NUP62CL: variants seen among roughly 807,000 people sequenced by gnomAD.
NUP62CL encodes nucleoporin-62 C-terminal-like protein.
In NUP62CL, 13 loss-of-function variants were observed where a neutral mutation model predicts 15.3. The observed-to-expected ratio is 0.85, with a 90% CI of 0.55 to 1.35. The LOEUF (loss-of-function observed/expected upper bound fraction) is 1.35, where lower values mean the gene tolerates loss of function less well. NUP62CL is among the 40% of genes most tolerant of loss of function. NUP62CL has a pLI of 0.00. For synonymous variants in NUP62CL, 54 were observed against 49.2 expected, an observed-to-expected ratio of 1.10 and a Z score of -0.41; for missense variants, 123 against 130.6, an observed-to-expected ratio of 0.94 and a Z score of 0.28.
chrX:107,157,060 A>C (rs1926217158), intron 4 of NUP62CL, among the ~76,000 whole-genome samples: 1 of 103,912 alleles, frequency 9.6e-6, no homozygotes, highest in Non-Finnish European at 2.0e-5. Flanking sequence ...AAATGAAGCG[A>C]GAAGGGAAGT....
intron 8 of NUP62CL, among the ~76,000 whole-genome samples, chrX:107,126,262 AT>A (rs1312558418): frequency 1.8e-5 from 2 of 112,300 alleles, no homozygotes; most frequent in Non-Finnish European, 3.8e-5. Flanking sequence ...GATATATTCC[AT>A]GTTCATGGAT....
intron 8 of NUP62CL, among the ~76,000 whole-genome samples, chrX:107,144,122 A>G (rs1925837099): frequency 9.0e-6 from 1 of 111,716 alleles, no homozygotes; most frequent in East Asian, 2.8e-4. Flanking sequence ...ACTCCAAGTA[A>G]TCATTACTCT....
At chrX:107,184,085 C>T (rs1926979739) in intron 2 of NUP62CL, among the ~76,000 whole-genome samples, 1 of 109,113 alleles carries the variant, frequency 9.2e-6, no homozygotes, top group African/African-American at 3.3e-5. Flanking sequence ...GCAGCACCTC[C>T]CCCCCCTCCA....
At chrX:107,193,172 C>A (rs960486607) in intron 1 of NUP62CL, 100 bp from the exon 2 acceptor site, 8 of 111,967 alleles carry the variant, frequency 7.1e-5, no homozygotes, top group African/African-American at 1.9e-4. Context: ...GTTGCTCCCT[C>A]GTACTCCAAA....
intron 4 of NUP62CL, among the ~76,000 whole-genome samples, 162 bp from the exon 5 acceptor site, chrX:107,154,408 A>G (rs1926124630): frequency 9.4e-5 from 1 of 10,686 alleles, no homozygotes; most frequent in Admixed American, 1.2e-3. Context: ...AAGATGATTA[A>G]AAAAAACAAC....
intron 7 of NUP62CL, 76 bp from the exon 8 acceptor site, chrX:107,147,885 A>G: frequency 1.2e-6 from 1 of 800,320 alleles, no homozygotes; most frequent in Non-Finnish European, 1.9e-6. Flanking sequence ...AGAAATTGAC[A>G]TTAGGAAGTG....
At chrX:107,174,997 T>C in intron 3 of NUP62CL, 92 bp downstream of exon 3, 1 of 678,578 alleles carries the variant, frequency 1.5e-6, no homozygotes, top group South Asian at 2.5e-5. Flanking sequence ...TAATGATAAT[T>C]TCTGAGACAG....
chrX:107,147,434 C>T (rs1925905761), intron 8 of NUP62CL, among the ~76,000 whole-genome samples: 1 of 111,088 alleles, frequency 9.0e-6, no homozygotes, highest in African/African-American at 3.3e-5. Flanking sequence ...GTATGTAAAA[C>T]ATTTATATGG....
At chrX:107,140,860 G>T (rs1272500316) in intron 8 of NUP62CL, among the ~76,000 whole-genome samples, 1 of 111,934 alleles carries the variant, frequency 8.9e-6, no homozygotes, top group Non-Finnish European at 1.9e-5. Context: ...TCTTATCCAT[G>T]AGGTGGCCAT....
At chrX:107,191,042 T>A (rs984215167) in intron 2 of NUP62CL, among the ~76,000 whole-genome samples, 1 of 106,463 alleles carries the variant, frequency 9.4e-6, no homozygotes, top group African/African-American at 3.4e-5. Flanking sequence ...TCCAACTTTT[T>A]TTTTTTTTAA....
chrX:107,204,745 A>T (rs751889219), intron 1 of NUP62CL, among the ~76,000 whole-genome samples: 19 of 18,401 alleles, frequency 1.0e-3, no homozygotes, highest in Non-Finnish European at 1.8e-3. Flanking sequence ...TTTTAAATAA[A>T]TTATTTAAAT....
chrX:107,161,897 A>T lies in NUP62CL; in HGVS notation c.194+5752T>A, dbSNP rs957822690. 4.6e-5 allele frequency among the ~76,000 whole-genome samples: 5 copies of T among 107,696 alleles called. 1 individual carries two copies. In the East Asian group the frequency reaches 1.4e-3, roughly 31 times the overall value. 93.5% of individuals were successfully genotyped at this position (107,696 alleles called of 115,157 possible). A position where few individuals can be genotyped will look rare whatever the true frequency, so the allele number is the denominator to read the frequency against. Reference sequence around the variant, plus strand: ...CAACTTGAAAGAGAAAAGGCAACAGATGCCAACACTGAGAGGTATCAGATG... The same window carrying T: ...CAACTTGAAAGAGAAAAGGCAACAGTTGCCAACACTGAGAGGTATCAGATG... On this transcript the variant is annotated intron_variant, in intron 4 of 8. Transcript: ENST00000372466.
chrX:107,153,129 C>A, intron 7 of NUP62CL, 43 bp downstream of exon 7: 1 of 1,144,995 alleles, frequency 8.7e-7, no homozygotes, highest in African/African-American at 1.8e-5. Context: ...TCTCAGAATA[C>A]GTAAGTCCTG....
At chrX:107,179,792 T>A (rs1162279697) in intron 2 of NUP62CL, among the ~76,000 whole-genome samples, 2 of 112,280 alleles carry the variant, frequency 1.8e-5, no homozygotes, top group Non-Finnish European at 3.8e-5. Context: ...CTGAGAAATC[T>A]CCATATTGTT....
chrX:107,130,553 A>G (rs1370479212), intron 8 of NUP62CL, among the ~76,000 whole-genome samples: 1 of 111,908 alleles, frequency 8.9e-6, no homozygotes, highest in East Asian at 2.8e-4. Flanking sequence ...TGTAAGTAAG[A>G]GCCATGAAAC....
intron 8 of NUP62CL, among the ~76,000 whole-genome samples, chrX:107,131,491 C>T (rs1925514584): frequency 8.9e-6 from 1 of 111,951 alleles, no homozygotes; most frequent in Admixed American, 9.4e-5. Flanking sequence ...GTAAAGGAAC[C>T]ATTAGTGAAA....
chrX:107,190,583 C>A (rs1927214237), intron 2 of NUP62CL, among the ~76,000 whole-genome samples: 1 of 111,513 alleles, frequency 9.0e-6, no homozygotes, highest in African/African-American at 3.3e-5. Flanking sequence ...TAACACTAAC[C>A]TCCAACAAGA....
At chrX:107,204,419 C>G (rs750955681) in intron 1 of NUP62CL, among the ~76,000 whole-genome samples, 3 of 111,087 alleles carry the variant, frequency 2.7e-5, no homozygotes, top group Non-Finnish European at 5.7e-5. Context: ...GGACCCATCC[C>G]CCACCCCGCT....
intron 8 of NUP62CL, among the ~76,000 whole-genome samples, chrX:107,138,735 T>G (rs1289351463): frequency 8.9e-6 from 1 of 112,299 alleles, no homozygotes; most frequent in Non-Finnish European, 1.9e-5. Context: ...ACAGCCAGTC[T>G]GGAAAATAAT....
Sources: allele counts gnomAD v4.1 joint callset (sites outside exome capture counted in the v4.1 genomes callset), GRCh38; gene constraint gnomAD v4.1.1; transcripts MANE v1.5; gene names NCBI Gene and HGNC (gene_info 2026-07-23, HGNC 2026-07-21).